CNTN6: variants seen among roughly 807,000 people sequenced by gnomAD.
CNTN6 encodes the protein contactin-6.
In CNTN6, 137 loss-of-function variants were observed where a neutral mutation model predicts 122.8. That is an observed-to-expected ratio of 1.12 (90% confidence interval 0.97 to 1.29). CNTN6 has a LOEUF of 1.29. CNTN6 is among the 50% of genes most tolerant of loss of function. CNTN6 has a pLI of 0.00. For missense variants in CNTN6, 1,634 were observed against 1,223.4 expected (o/e 1.34, Z -5.01); for synonymous variants, 570 against 426.0 (o/e 1.34, Z -4.16).
chr3:1,145,551 C>G (rs2092706709), intron 1 of CNTN6, among the ~76,000 whole-genome samples: 1 of 152,062 alleles, frequency 6.6e-6, no homozygotes, highest in African/African-American at 2.4e-5. Flanking sequence ...ACGTTATAAG[C>G]TGAGGCTTTT....
At chr3:1,382,874 A>C (rs1225565680) in intron 17 of CNTN6, 68 bp from the exon 18 acceptor site, 1 of 1,024,574 alleles carries the variant, frequency 9.8e-7, no homozygotes, top group Non-Finnish European at 1.5e-6. Context: ...GAAATAATCA[A>C]TAAACATTAT....
At chr3:1,195,445 T>C (rs2093762749) in intron 2 of CNTN6, among the ~76,000 whole-genome samples, 1 of 152,212 alleles carries the variant, frequency 6.6e-6, no homozygotes, top group Admixed American at 6.5e-5. Flanking sequence ...CAGTATGGAA[T>C]ATGAATAATC....
At chr3:1,300,804 T>C (rs889755746) in intron 7 of CNTN6, among the ~76,000 whole-genome samples, 11 of 151,788 alleles carry the variant, frequency 7.2e-5, no homozygotes, top group African/African-American at 2.2e-4. Context: ...TCTCTCTCTC[T>C]CCCCCTCTCT....
intron 2 of CNTN6, among the ~76,000 whole-genome samples, chr3:1,213,689 C>T (rs967907573): frequency 6.6e-6 from 1 of 151,638 alleles, no homozygotes; most frequent in East Asian, 1.9e-4. Flanking sequence ...TAGAAGAATA[C>T]AAATATTTTA....
At chr3:1,253,610 A>G (rs2094705481) in intron 4 of CNTN6, among the ~76,000 whole-genome samples, 1 of 152,128 alleles carries the variant, frequency 6.6e-6, no homozygotes. Flanking sequence ...CCCCAGGATG[A>G]GGGGTTGGAG....
Position 1,295,809 on chromosome 3 carries a change from G to A in CNTN6, c.658+5G>A. On this transcript the variant is annotated splice_donor_5th_base_variant and intron_variant, in intron 6 of 22. Transcript: ENST00000446702. ...CATTAGTGCAGCGCACTGATGGTAA[G>A]ATAATGAGTTATCTTGGGAATGTAC... The A allele has an allele frequency of 6.2e-7, 1 of 1,611,294 alleles. No homozygotes were observed. The highest frequency in any genetic ancestry group is 8.5e-7 in the Non-Finnish European group (1 of 1,177,608).
At chr3:1,282,191 C>T (rs1184515239) in intron 5 of CNTN6, among the ~76,000 whole-genome samples, 1 of 152,128 alleles carries the variant, frequency 6.6e-6, no homozygotes, top group African/African-American at 2.4e-5. Flanking sequence ...TAAACAGGTA[C>T]TTTTATAGAG....
intron 17 of CNTN6, among the ~76,000 whole-genome samples, chr3:1,379,842 T>C (rs1158440307): frequency 6.6e-6 from 1 of 152,158 alleles, no homozygotes; most frequent in Non-Finnish European, 1.5e-5. Flanking sequence ...CTTTATGGAA[T>C]AAGTTATGTA....
intron 20 of CNTN6, among the ~76,000 whole-genome samples, chr3:1,388,576 G>T (rs1036668815): frequency 4.0e-5 from 6 of 150,394 alleles, no homozygotes; most frequent in Admixed American, 2.0e-4. Flanking sequence ...TGACTTTGAC[G>T]AGCTGAGAGA....
chr3:1,190,980 C>A (rs2125384711), intron 2 of CNTN6, among the ~76,000 whole-genome samples: 1 of 152,264 alleles, frequency 6.6e-6, no homozygotes, highest in South Asian at 2.1e-4. Context: ...TTTCAACCAT[C>A]TCAGAGCATG....
chr3:1,190,069 C>T (rs1477918833), intron 2 of CNTN6, among the ~76,000 whole-genome samples: 1 of 152,166 alleles, frequency 6.6e-6, no homozygotes, highest in African/African-American at 2.4e-5. Context: ...AGGGTGCCAA[C>T]GCAGTGAATC....
intron 4 of CNTN6, among the ~76,000 whole-genome samples, chr3:1,253,530 C>G (rs565165512): frequency 6.6e-6 from 1 of 152,230 alleles, no homozygotes; most frequent in Admixed American, 6.5e-5. Context: ...TTGATGACAT[C>G]GTTTTCAACT....
intron 2 of CNTN6, among the ~76,000 whole-genome samples, chr3:1,178,884 G>T (rs1235767180): frequency 6.6e-6 from 1 of 152,102 alleles, no homozygotes. Flanking sequence ...CCCATCTTTA[G>T]GGTAATCTCT....
At chr3:1,387,165 C>CACAA (rs765969179) in intron 20 of CNTN6, among the ~76,000 whole-genome samples, 6 of 151,384 alleles carry the variant, frequency 4.0e-5, no homozygotes, top group African/African-American at 4.8e-5. Flanking sequence ...ACCCATGAAG[C>CACAA]ACAAACAAGG....
At chr3:1,158,885 TAC>T (rs529969086) in intron 2 of CNTN6, among the ~76,000 whole-genome samples, 1 of 128,132 alleles carries the variant, frequency 7.8e-6, no homozygotes, top group Non-Finnish European at 1.6e-5. Flanking sequence ...TACACATATA[TAC>T]ACACATATAT....
intron 11 of CNTN6, among the ~76,000 whole-genome samples, chr3:1,337,985 G>A (rs1703316454): frequency 6.6e-6 from 1 of 151,926 alleles, no homozygotes; most frequent in Non-Finnish European, 1.5e-5. Flanking sequence ...AGATGCCATG[G>A]TCTGAAAAAG....
At chr3:1,353,249 A>T (rs1705953968) in intron 12 of CNTN6, among the ~76,000 whole-genome samples, 1 of 151,756 alleles carries the variant, frequency 6.6e-6, no homozygotes, top group Non-Finnish European at 1.5e-5. Context: ...TTAAGCAGCT[A>T]ATTAAGCCCA....
At chr3:1,200,057 C>CAT (rs898000042) in intron 2 of CNTN6, among the ~76,000 whole-genome samples, 9 of 151,668 alleles carry the variant, frequency 5.9e-5, no homozygotes, top group South Asian at 2.1e-4. Context: ...TTTTTTTAGA[C>CAT]ATATATATAT....
intron 5 of CNTN6, among the ~76,000 whole-genome samples, chr3:1,284,034 T>A (rs1465540110): frequency 6.6e-6 from 1 of 152,020 alleles, no homozygotes; most frequent in African/African-American, 2.4e-5. Flanking sequence ...AAAAAGAAAC[T>A]AAGTCCCGAG....
Sources: gnomAD v4.1 joint callset for allele counts (sites outside exome capture counted in the v4.1 genomes callset) on GRCh38, gnomAD v4.1.1 for gene constraint, MANE v1.5 for transcripts, NCBI Gene and HGNC (gene_info 2026-07-23, HGNC 2026-07-21) for gene names.